The following SNTG1 variants were observed in gnomAD, a reference collection of about 807,000 sequenced individuals.
The protein encoded by SNTG1 is gamma-1-syntrophin.
Under a neutral mutation model 74.7 loss-of-function variants are expected in SNTG1, and 39 were observed. The ratio of observed to expected loss-of-function variants is 0.52; its 90% CI spans 0.40 to 0.68. The LOEUF is 0.68. Among genes scored for constraint, SNTG1 ranks in the 30% least tolerant of loss-of-function variants. SNTG1 has a pLI of 0.00. For missense variants in SNTG1, 685 were observed against 609.5 expected (o/e 1.12, Z -1.30); for synonymous variants, 254 against 217.1 (o/e 1.17, Z -1.49).
At chr8:50,575,087 C>T (rs1272003450) in intron 12 of SNTG1, among the ~76,000 whole-genome samples, 1 of 152,138 alleles carries the variant, frequency 6.6e-6, no homozygotes, top group African/African-American at 2.4e-5. Flanking sequence ...ACTCTGTGCA[C>T]TAGGTACTGA....
At chr8:50,296,272 C>A (rs980434573) in intron 2 of SNTG1, among the ~76,000 whole-genome samples, 1 of 152,226 alleles carries the variant, frequency 6.6e-6, no homozygotes, top group African/African-American at 2.4e-5. Flanking sequence ...GGAATATACC[C>A]AAAGGAATAT....
At chr8:50,715,726 T>C (rs2131576560) in intron 17 of SNTG1, among the ~76,000 whole-genome samples, 1 of 152,322 alleles carries the variant, frequency 6.6e-6, no homozygotes, top group East Asian at 1.9e-4. Flanking sequence ...GACCTTCATT[T>C]TGCAAACTTA....
chr8:50,793,546 C>T lies in SNTG1; in HGVS notation c.*717C>T, dbSNP rs1001143833. 1 of 151,812 alleles carries T rather than the reference C, an allele frequency of 6.6e-6. No individual in the cohort carries two copies. Among genetic ancestry groups the T allele is most frequent in the Non-Finnish European group, 1.5e-5 (1 of 67,854 alleles). The allele number at this position is 151,812 out of a possible 1,614,324, so 9.4% of individuals were successfully genotyped here. On this transcript the variant is annotated 3_prime_UTR_variant, in exon 19 of 19. Coordinates refer to ENST00000642720, the MANE Select transcript of SNTG1 (RefSeq NM_018967.5). ...AGCTGCCAAAGTCAATCAAATATGCCAACAGTGTATTAATTTAATTATGAG... is the reference window on the plus strand; with the variant it reads ...AGCTGCCAAAGTCAATCAAATATGCTAACAGTGTATTAATTTAATTATGAG...
At chr8:50,635,352 C>T (rs1191964263) in intron 13 of SNTG1, among the ~76,000 whole-genome samples, 1 of 152,126 alleles carries the variant, frequency 6.6e-6, no homozygotes, top group Non-Finnish European at 1.5e-5. Flanking sequence ...TGAGGTCAGC[C>T]AGCCTTGTGT....
rs183376715 is a variant in SNTG1, at chr8:50,336,154, A to C, written c.-27-58058A>C. On this transcript the variant is annotated intron_variant, in intron 2 of 18. Coordinates refer to ENST00000642720, the MANE Select transcript of SNTG1 (RefSeq NM_018967.5). ...CTAAAACTCAGGCCATGGTCCCTGCAAACTGCAAAGAGGACTGGGAAATGT... is the reference window on the plus strand; with the variant it reads ...CTAAAACTCAGGCCATGGTCCCTGCCAACTGCAAAGAGGACTGGGAAATGT... 2.3e-4 allele frequency among the ~76,000 whole-genome samples: 35 copies of C among 152,334 alleles called. No individual in the cohort carries two copies. In the East Asian group the frequency reaches 5.0e-3, roughly 22 times the overall value.
chr8:50,772,732 G>A (rs1189414356), intron 18 of SNTG1, among the ~76,000 whole-genome samples: 1 of 152,132 alleles, frequency 6.6e-6, no homozygotes, highest in Non-Finnish European at 1.5e-5. Flanking sequence ...GTGTTGGAAT[G>A]TGAGGCCTAG....
At chr8:50,523,508 C>T (rs1378960814) in intron 9 of SNTG1, among the ~76,000 whole-genome samples, 2 of 152,026 alleles carry the variant, frequency 1.3e-5, no homozygotes, top group East Asian at 1.9e-4. Flanking sequence ...GTTCTAATTT[C>T]AATATTATTG....
At chr8:50,227,433 A>G (rs1039176185) in intron 2 of SNTG1, among the ~76,000 whole-genome samples, 1 of 152,278 alleles carries the variant, frequency 6.6e-6, no homozygotes, top group African/African-American at 2.4e-5. Flanking sequence ...TCTACAAGGC[A>G]AAAGACCACT....
At chr8:50,725,839 T>A (rs1025241616) in intron 17 of SNTG1, among the ~76,000 whole-genome samples, 7 of 152,234 alleles carry the variant, frequency 4.6e-5, no homozygotes, top group Non-Finnish European at 1.0e-4. Context: ...TGGTTTGATA[T>A]AAATTTTGAC....
At chr8:50,245,713 C>CA (rs1197610991) in intron 2 of SNTG1, among the ~76,000 whole-genome samples, 1 of 151,664 alleles carries the variant, frequency 6.6e-6, no homozygotes, top group African/African-American at 2.4e-5. Flanking sequence ...GAAAACAAAA[C>CA]AAAAAAAGGA....
intron 10 of SNTG1, among the ~76,000 whole-genome samples, chr8:50,530,965 A>C (rs914320619): frequency 2.0e-5 from 3 of 152,216 alleles, no homozygotes; most frequent in Non-Finnish European, 4.4e-5. Context: ...GCTTACAAAC[A>C]TAAAGAGAAG....
Position 50,188,067 on chromosome 8 carries a change from A to G in SNTG1, c.-28+15432A>G, listed in dbSNP as rs2083445802. 2.0e-5 allele frequency among the ~76,000 whole-genome samples: 3 copies of G among 152,304 alleles called. 1 individual carries two copies. The Middle Eastern group carries it at 0.01, about 518-fold the overall frequency. On this transcript the variant is annotated intron_variant, in intron 2 of 18. Transcript: ENST00000642720. ...TGGTGAAAGAGCCTGGCTGACATCAACAGAACAGGCCATTCTATTTTCATT... is the reference window on the plus strand; with the variant it reads ...TGGTGAAAGAGCCTGGCTGACATCAGCAGAACAGGCCATTCTATTTTCATT...
chr8:49,924,490 A>T (rs1282316897), intron 1 of SNTG1, among the ~76,000 whole-genome samples: 1 of 152,156 alleles, frequency 6.6e-6, no homozygotes, highest in African/African-American at 2.4e-5. Context: ...AACCAAGTTT[A>T]GTTACCAACC....
chr8:50,131,356 T>C (rs975589531), intron 1 of SNTG1, among the ~76,000 whole-genome samples: 5 of 152,140 alleles, frequency 3.3e-5, no homozygotes, highest in African/African-American at 9.7e-5. Flanking sequence ...ATTGTATATA[T>C]TCAAGGTGTA....
At chr8:50,448,668 T>C (rs2093427781) in intron 5 of SNTG1, among the ~76,000 whole-genome samples, 1 of 152,234 alleles carries the variant, frequency 6.6e-6, no homozygotes, top group South Asian at 2.1e-4. Context: ...TAAGGATTTA[T>C]TTTATTTTCT....
Position 50,099,951 on chromosome 8 carries a change from T to A in SNTG1, c.-102-72610T>A, listed in dbSNP as rs551784581. The stretch of plus-strand genomic sequence containing the variant: ...GTAGGTGGTCTTTTCACTGTGTTGT[T>A]GATTCCTTGGCTTTTTTTAGTTTGA... On this transcript the variant is annotated intron_variant, in intron 1 of 18. Coordinates refer to ENST00000642720, the MANE Select transcript of SNTG1 (RefSeq NM_018967.5). 4.6e-5 allele frequency among the ~76,000 whole-genome samples: 7 copies of A among 152,284 alleles called. No homozygotes were observed. The South Asian group carries it at 1.4e-3, about 32-fold the overall frequency.
At chr8:50,183,068 C>T (rs2083263729) in intron 2 of SNTG1, among the ~76,000 whole-genome samples, 1 of 152,094 alleles carries the variant, frequency 6.6e-6, no homozygotes, top group African/African-American at 2.4e-5. Flanking sequence ...CCTAATCTGA[C>T]CCATTCTGTT....
chr8:50,344,845 G>T (rs2091425971), intron 2 of SNTG1, among the ~76,000 whole-genome samples: 1 of 152,176 alleles, frequency 6.6e-6, no homozygotes, highest in African/African-American at 2.4e-5. Flanking sequence ...GACTGTGACT[G>T]TATTACAAGA....
intron 2 of SNTG1, among the ~76,000 whole-genome samples, chr8:50,279,905 T>C (rs1305136763): frequency 6.6e-6 from 1 of 152,222 alleles, no homozygotes; most frequent in Non-Finnish European, 1.5e-5. Flanking sequence ...TAACACATTT[T>C]AGAGATGTAG....
Sources: allele counts gnomAD v4.1 joint callset (sites outside exome capture counted in the v4.1 genomes callset), GRCh38; gene constraint gnomAD v4.1.1; transcripts MANE v1.5; gene names NCBI Gene and HGNC (gene_info 2026-07-23, HGNC 2026-07-21).